Variants in RPRD1B observed in about 807,000 individuals in gnomAD.
The protein encoded by RPRD1B is regulation of nuclear pre-mRNA domain containing 1B.
In RPRD1B, 11 loss-of-function variants were observed where a neutral mutation model predicts 41.5. The observed-to-expected ratio is 0.27, with a 90% CI of 0.17 to 0.44. The LOEUF is 0.44. Among genes scored for constraint, RPRD1B ranks in the 20% least tolerant of loss-of-function variants. RPRD1B has a pLI of 1.00. For missense variants in RPRD1B, 248 were observed against 389.9 expected (o/e 0.64, Z 3.06); for synonymous variants, 158 against 155.6 (o/e 1.02, Z -0.12).
At chr20:38,038,267 A>G (rs536730506) in intron 1 of RPRD1B, among the ~76,000 whole-genome samples, 1 of 151,960 alleles carries the variant, frequency 6.6e-6, no homozygotes, top group Non-Finnish European at 1.5e-5. Flanking sequence ...ATGTGCTATT[A>G]AAATCATGTT....
chr20:38,065,942 A>T, intron 5 of RPRD1B, 139 bp from the exon 6 acceptor site: 1 of 758,590 alleles, frequency 1.3e-6, no homozygotes, highest in Non-Finnish European at 2.1e-6. Flanking sequence ...TAATCAACTC[A>T]TTGTTTGTCC....
At chr20:38,049,827 T>G (rs1309712163) in intron 3 of RPRD1B, 1 of 471,226 alleles carries the variant, frequency 2.1e-6, no homozygotes, top group Non-Finnish European at 4.4e-6. Context: ...CTGATAGTAT[T>G]GAAGACCCTT....
At chr20:38,089,656 C>T (rs2074594979) in intron 6 of RPRD1B, 70 bp from the exon 7 acceptor site, 4 of 1,301,346 alleles carry the variant, frequency 3.1e-6, no homozygotes, top group African/African-American at 1.5e-5. Flanking sequence ...AGTAGCTGCC[C>T]GGCTCCAGCA....
At chr20:38,087,108 A>G (rs2074569142) in intron 6 of RPRD1B, among the ~76,000 whole-genome samples, 4 of 151,850 alleles carry the variant, frequency 2.6e-5, no homozygotes, top group Admixed American at 2.6e-4. Flanking sequence ...ACAGGCACCC[A>G]CCACCCTGCC....
chr20:38,081,281 C>A (rs1449533462), intron 6 of RPRD1B, among the ~76,000 whole-genome samples: 1 of 151,570 alleles, frequency 6.6e-6, no homozygotes, highest in Non-Finnish European at 1.5e-5. Context: ...GATTTTTCAC[C>A]TCCCTGATTA....
At chr20:38,074,480 T>C (rs915729546) in intron 6 of RPRD1B, among the ~76,000 whole-genome samples, 5 of 152,200 alleles carry the variant, frequency 3.3e-5, no homozygotes, top group East Asian at 1.9e-4. Context: ...AGACTTTACA[T>C]TGAAAAAGTG....
chr20:38,076,162 A>C (rs2122755640), intron 6 of RPRD1B, among the ~76,000 whole-genome samples: 1 of 152,252 alleles, frequency 6.6e-6, no homozygotes, highest in African/African-American at 2.4e-5. Context: ...CTCAGTAGGA[A>C]TTGTTCCCTT....
rs185765762 is a variant in RPRD1B at position 38,038,225 on chromosome 20, T to C, written c.152-2210T>C. 3.9e-4 allele frequency among the ~76,000 whole-genome samples: 60 copies of C among 152,308 alleles called. 2 individuals are homozygous for C. In the East Asian group the frequency reaches 5.6e-3, roughly 14 times the overall value. On this transcript the variant is annotated intron_variant, in intron 1 of 6. Transcript: ENST00000373433. ...TATCCATATTTAATTTTATGAGCAT[T>C]TAAGACATCAGTTTCATCAGTTTAA...
Position 38,091,106 on chromosome 20 carries a change from A to T in RPRD1B, c.*1231A>T, listed in dbSNP as rs1230106507. ...GCTTATAGTAAAGGTTCAGCCTGCC[A>T]ATTGTAAATCATTCTAATTTGGCAG... On this transcript the variant is annotated 3_prime_UTR_variant, in exon 7 of 7. Transcript: ENST00000373433. 3 of 985,744 alleles carry T rather than the reference A, an allele frequency of 3.0e-6. No individual in the cohort carries two copies. The highest frequency in any genetic ancestry group is 3.6e-6 in the Non-Finnish European group (3 of 829,940). 61.1% of individuals were successfully genotyped at this position (985,744 alleles called of 1,614,324 possible). A position where few individuals can be genotyped will look rare whatever the true frequency, so the allele number is the denominator to read the frequency against.
At chr20:38,041,781 A>G (rs1456409177) in intron 2 of RPRD1B, among the ~76,000 whole-genome samples, 3 of 151,980 alleles carry the variant, frequency 2.0e-5, no homozygotes, top group African/African-American at 4.8e-5. Flanking sequence ...GGAGGATACC[A>G]CTCCCCCTCA....
At chr20:38,061,701 CG>C (rs1170598293) in intron 5 of RPRD1B, among the ~76,000 whole-genome samples, 3 of 152,192 alleles carry the variant, frequency 2.0e-5, no homozygotes, top group Non-Finnish European at 4.4e-5. Flanking sequence ...CTCTACTTCC[CG>C]TCCTCCCAGT....
intron 6 of RPRD1B, among the ~76,000 whole-genome samples, chr20:38,068,570 T>G (rs2074381505): frequency 6.6e-6 from 1 of 152,328 alleles, no homozygotes; most frequent in South Asian, 2.1e-4. Context: ...GGCTAATTTT[T>G]TTTGTTTTTA....
intron 2 of RPRD1B, among the ~76,000 whole-genome samples, chr20:38,046,378 A>G (rs1041960215): frequency 6.6e-5 from 10 of 152,238 alleles, no homozygotes; most frequent in Non-Finnish European, 1.5e-4. Flanking sequence ...AAACCCATAT[A>G]CATTTTTCTG....
At chr20:38,080,261 T>C (rs537538226) in intron 6 of RPRD1B, among the ~76,000 whole-genome samples, 1 of 152,334 alleles carries the variant, frequency 6.6e-6, no homozygotes, top group East Asian at 1.9e-4. Context: ...GCAGTTACTT[T>C]TGGAGTCTTT....
intron 4 of RPRD1B, 84 bp downstream of exon 4, chr20:38,057,728 G>C (rs2074258640): frequency 1.0e-6 from 1 of 959,218 alleles, no homozygotes; most frequent in South Asian, 1.4e-5. Context: ...TGGCGCCAGT[G>C]ACCACTGGTA....
At chr20:38,058,503 A>G (rs918656180) in intron 4 of RPRD1B, among the ~76,000 whole-genome samples, 4 of 152,208 alleles carry the variant, frequency 2.6e-5, no homozygotes, top group Non-Finnish European at 5.9e-5. Flanking sequence ...CTTGGTGATT[A>G]TGGAGTGGCC....
At chr20:38,035,805 C>A (rs2122684171) in intron 1 of RPRD1B, among the ~76,000 whole-genome samples, 1 of 151,360 alleles carries the variant, frequency 6.6e-6, no homozygotes, top group South Asian at 2.1e-4. Flanking sequence ...CGCTCTGTCA[C>A]CCAGGCTGAA....
Position 38,091,961 on chromosome 20 carries a change from AG to A in RPRD1B, c.*2087del. ...CTAGTGGACTTCCTGTGAGGAAGTTAGTTTTTTGTTTTGATGAAATGCTTTC... is the reference window on the plus strand; with the variant it reads ...CTAGTGGACTTCCTGTGAGGAAGTTATTTTTTGTTTTGATGAAATGCTTTC... On this transcript the variant is annotated 3_prime_UTR_variant, in exon 7 of 7. Transcript: ENST00000373433. The A allele has an allele frequency of 4.1e-6, 4 of 985,734 alleles. No individual in the cohort carries two copies. The highest frequency in any genetic ancestry group is 4.8e-6 in the Non-Finnish European group (4 of 829,918). 61.1% of individuals were successfully genotyped at this position (985,734 alleles called of 1,614,324 possible). A position where few individuals can be genotyped will look rare whatever the true frequency, so the allele number is the denominator to read the frequency against.
intron 5 of RPRD1B, among the ~76,000 whole-genome samples, chr20:38,064,059 A>T (rs1311281815): frequency 6.6e-6 from 1 of 152,214 alleles, no homozygotes; most frequent in Non-Finnish European, 1.5e-5. Context: ...ACGATCAGTC[A>T]AGCAATAACA....
Sources: allele counts gnomAD v4.1 joint callset (sites outside exome capture counted in the v4.1 genomes callset), GRCh38; gene constraint gnomAD v4.1.1; transcripts MANE v1.5; gene names NCBI Gene and HGNC (gene_info 2026-07-23, HGNC 2026-07-21).